CD96: variants seen among roughly 807,000 people sequenced by gnomAD.
CD96 encodes T-cell surface protein tactile.
A neutral mutation model predicts 71.3 loss-of-function variants in CD96; 70 were observed. That is an observed-to-expected ratio of 0.98 (90% CI 0.81 to 1.20). CD96 has a LOEUF of 1.20. CD96 is among the 50% of genes most tolerant of loss of function. The probability of loss-of-function intolerance (pLI) is 0.00; values close to 1 mark genes in which losing one functional copy is unlikely to be tolerated. For synonymous variants in CD96, 248 were observed against 233.0 expected (o/e 1.06, Z -0.59); for missense variants, 742 against 677.5 (o/e 1.10, Z -1.06).
chr3:111,633,357 T>C (rs1266280671), intron 10 of CD96, among the ~76,000 whole-genome samples: 1 of 152,070 alleles, frequency 6.6e-6, no homozygotes, highest in African/African-American at 2.4e-5. Flanking sequence ...CAGATTACCA[T>C]AGTAGATATA....
chr3:111,566,646 G>A (rs76333478), intron 2 of CD96, among the ~76,000 whole-genome samples: 4 of 152,088 alleles, frequency 2.6e-5, no homozygotes, highest in African/African-American at 7.2e-5. Flanking sequence ...TGATGCTATA[G>A]TTTAGTCACA....
intron 8 of CD96, 103 bp downstream of exon 8, chr3:111,606,895 T>A: frequency 1.3e-6 from 1 of 774,430 alleles, no homozygotes; most frequent in Non-Finnish European, 2.3e-6. Context: ...TAGCTATGAC[T>A]TTTTTGGGGC....
chr3:111,603,399 C>T lies in CD96; in HGVS notation c.1087+2485C>T, dbSNP rs370190176. ...GGCTGAAGCTCCAGTGAGCCGTGATCATGCCACTACACTCCAGCCTGGGCA... is the reference window on the plus strand; with the variant it reads ...GGCTGAAGCTCCAGTGAGCCGTGATTATGCCACTACACTCCAGCCTGGGCA... On this transcript the variant is annotated intron_variant, in intron 7 of 13. Coordinates refer to ENST00000352690, the MANE Select transcript of CD96 (RefSeq NM_005816.5). Among the ~76,000 whole-genome samples, 366 of 151,628 alleles carry T rather than the reference C, an allele frequency of 2.4e-3. 4 individuals carry two copies. The highest frequency in any genetic ancestry group is 9.6e-3 in the South Asian group (46 of 4,804).
At chr3:111,618,883 T>A (rs926374932) in intron 8 of CD96, among the ~76,000 whole-genome samples, 1 of 152,140 alleles carries the variant, frequency 6.6e-6, no homozygotes, top group Non-Finnish European at 1.5e-5. Context: ...GCTTTTTTTT[T>A]AAGTTACCAG....
chr3:111,592,758 A>G (rs1305561410), intron 5 of CD96: 1 of 152,202 alleles, frequency 6.6e-6, no homozygotes, highest in Middle Eastern at 3.2e-3. Context: ...ATTATATTTT[A>G]ACTATTTATG....
At chr3:111,566,441 A>C (rs1316815904) in intron 2 of CD96, among the ~76,000 whole-genome samples, 2 of 152,168 alleles carry the variant, frequency 1.3e-5, no homozygotes, top group African/African-American at 2.4e-5. Flanking sequence ...AGCCCCCATA[A>C]ATTTAAATCA....
At chr3:111,593,634 C>G (rs1937101097) in intron 5 of CD96, 1 of 1,599,392 alleles carries the variant, frequency 6.3e-7, no homozygotes, top group Non-Finnish European at 8.5e-7. Flanking sequence ...CACTTCATCT[C>G]CAGGATGGCC....
chr3:111,640,496 A>G (rs1410721646), intron 12 of CD96, among the ~76,000 whole-genome samples: 3 of 152,354 alleles, frequency 2.0e-5, no homozygotes, highest in Middle Eastern at 3.4e-3. Flanking sequence ...ATTATGTTAA[A>G]CAACCAAACT....
chr3:111,625,091 G>A (rs746423850), intron 10 of CD96, among the ~76,000 whole-genome samples: 1 of 152,222 alleles, frequency 6.6e-6, no homozygotes. Flanking sequence ...TTGCCACAAA[G>A]CGTAATGTGT....
At chr3:111,623,544 C>T (rs112854909) in intron 8 of CD96, among the ~76,000 whole-genome samples, 20 of 152,090 alleles carry the variant, frequency 1.3e-4, no homozygotes, top group South Asian at 6.2e-4. Context: ...ATTAGGAAAC[C>T]GGGTTAATAG....
downstream of CD96, among the ~76,000 whole-genome samples, chr3:111,654,057 G>A (rs1286429667): frequency 6.6e-6 from 1 of 152,182 alleles, no homozygotes; most frequent in African/African-American, 2.4e-5. Flanking sequence ...CTTAAAGGTA[G>A]CCCTCTTGGC....
chr3:111,634,006 A>G (rs1284455101), intron 10 of CD96: 1 of 152,904 alleles, frequency 6.5e-6, no homozygotes, highest in African/African-American at 2.4e-5. Flanking sequence ...TTCAGTTTGC[A>G]TCAAGAACCC....
At chr3:111,662,746 C>T (rs534229214) in intron 14 of CD96, among the ~76,000 whole-genome samples, 95 of 152,278 alleles carry the variant, frequency 6.2e-4, no homozygotes, top group African/African-American at 2.1e-3. Context: ...AACCACAGCC[C>T]GGGCTTCACT....
chr3:111,655,253 A>G (rs1266039389), downstream of CD96, among the ~76,000 whole-genome samples: 1 of 152,202 alleles, frequency 6.6e-6, no homozygotes, highest in African/African-American at 2.4e-5. Flanking sequence ...AGTTACTAGA[A>G]AAGTCTGACA....
intron 10 of CD96, among the ~76,000 whole-genome samples, chr3:111,636,591 C>G (rs904313196): frequency 3.3e-5 from 5 of 152,168 alleles, no homozygotes; most frequent in Non-Finnish European, 7.3e-5. Context: ...TTTCAAAAGC[C>G]ATATGTGCTG....
intron 10 of CD96, 60 bp downstream of exon 10, chr3:111,624,464 A>G (rs1029200058): frequency 2.7e-5 from 25 of 916,276 alleles, no homozygotes; most frequent in Middle Eastern, 2.1e-4. Context: ...TCCGACAGAT[A>G]TATTGAACGA....
intron 8 of CD96, 83 bp from the exon 9 acceptor site, chr3:111,623,671 A>G (rs187248964): frequency 1.2e-6 from 1 of 843,802 alleles, no homozygotes; most frequent in African/African-American, 1.7e-5. Context: ...CTAATATTCC[A>G]GGCTCTTGTT....
chr3:111,598,627 A>G (rs980587080), intron 6 of CD96, among the ~76,000 whole-genome samples: 1 of 152,252 alleles, frequency 6.6e-6, no homozygotes, highest in Non-Finnish European at 1.5e-5. Flanking sequence ...AAATCAGCCA[A>G]TAAATAATTT....
At chr3:111,579,382 G>C in intron 4 of CD96, 148 bp downstream of exon 4, 1 of 713,526 alleles carries the variant, frequency 1.4e-6, no homozygotes. Context: ...TGTCATTCTT[G>C]TTGGGCAGGG....
Sources: allele counts gnomAD v4.1 joint callset (sites outside exome capture counted in the v4.1 genomes callset), GRCh38; gene constraint gnomAD v4.1.1; transcripts MANE v1.5; gene names NCBI Gene and HGNC (gene_info 2026-07-23, HGNC 2026-07-21).